ARID1B: variants seen among roughly 807,000 people sequenced by gnomAD.
ARID1B encodes the protein AT-rich interaction domain 1B, also known as AT-rich interactive domain-containing protein 1B.
Under a neutral mutation model 212.3 loss-of-function variants are expected in ARID1B, and 30 were observed. The observed-to-expected ratio is 0.14, with a 90% CI of 0.11 to 0.19. ARID1B has a LOEUF of 0.19. Among genes scored for constraint, ARID1B ranks in the 10% least tolerant of loss-of-function variants. The pLI is 1.00. For synonymous variants in ARID1B, 1,402 were observed against 1,301.7 expected, an observed-to-expected ratio of 1.08 and a Z score of -1.66; for missense variants, 2,891 against 3,204.0, an observed-to-expected ratio of 0.90 and a Z score of 2.36.
At chr6:156,889,410 A>G (rs764722213) in intron 2 of ARID1B, among the ~76,000 whole-genome samples, 1 of 152,256 alleles carries the variant, frequency 6.6e-6, no homozygotes, top group Non-Finnish European at 1.5e-5. Context: ...GCATAAAACT[A>G]CAATTATACA....
intron 2 of ARID1B, among the ~76,000 whole-genome samples, chr6:156,895,398 C>T (rs1455533922): frequency 2.6e-5 from 4 of 152,182 alleles, no homozygotes; most frequent in African/African-American, 9.7e-5. Context: ...GAGGGACAGT[C>T]GCTCAGACAC....
chr6:156,993,445 G>A (rs1390246190), intron 4 of ARID1B, among the ~76,000 whole-genome samples: 2 of 152,196 alleles, frequency 1.3e-5, no homozygotes, highest in African/African-American at 4.8e-5. Flanking sequence ...GCTCAGTATG[G>A]TGATTCTGAC....
chr6:157,021,597 G>A (rs888229181), intron 4 of ARID1B, among the ~76,000 whole-genome samples: 11 of 152,280 alleles, frequency 7.2e-5, no homozygotes, highest in Admixed American at 2.0e-4. Context: ...GACTGAACAG[G>A]CTCGGACTCC....
rs193175253 is a variant in ARID1B, at chr6:156,954,767, A to G, written c.2247+19191A>G. 3.3e-5 allele frequency among the ~76,000 whole-genome samples: 5 copies of G among 152,272 alleles called. No individual in the cohort carries two copies. The East Asian group carries it at 9.7e-4, about 29-fold the overall frequency. On this transcript the variant is annotated intron_variant, in intron 4 of 19. Coordinates refer to ENST00000636930, the MANE Select transcript of ARID1B (RefSeq NM_001374828.1). ...GACGGCTGTTCACGTATTTGAAGAT[A>G]GTTTTCATTTACTAGGATTTCTTCT...
At chr6:156,914,382 A>G (rs1790178334) in intron 3 of ARID1B, among the ~76,000 whole-genome samples, 1 of 152,182 alleles carries the variant, frequency 6.6e-6, no homozygotes, top group Non-Finnish European at 1.5e-5. Context: ...TTAGGATTCC[A>G]TGCAGCTGAC....
At chr6:156,983,293 G>A (rs1190500128) in intron 4 of ARID1B, among the ~76,000 whole-genome samples, 3 of 152,014 alleles carry the variant, frequency 2.0e-5, no homozygotes, top group Non-Finnish European at 4.4e-5. Flanking sequence ...TACTCGAGAG[G>A]CTGAGACAGG....
At chr6:156,930,075 C>T (rs1157695155) in intron 3 of ARID1B, among the ~76,000 whole-genome samples, 1 of 152,090 alleles carries the variant, frequency 6.6e-6, no homozygotes, top group Non-Finnish European at 1.5e-5. Context: ...GAACAATTTG[C>T]CAGTATATAT....
intron 2 of ARID1B, among the ~76,000 whole-genome samples, chr6:156,851,440 TC>T (rs1784574414): frequency 6.6e-6 from 1 of 152,212 alleles, no homozygotes; most frequent in Non-Finnish European, 1.5e-5. Context: ...GGAAGGGATT[TC>T]CCCCCACTTT....
At chr6:156,974,765 AG>A (rs1007204428) in intron 4 of ARID1B, among the ~76,000 whole-genome samples, 5 of 152,240 alleles carry the variant, frequency 3.3e-5, no homozygotes, top group Admixed American at 2.6e-4. Context: ...TTCACTTATC[AG>A]AACTTACTTT....
chr6:157,058,890 T>G (rs141095940), intron 4 of ARID1B, among the ~76,000 whole-genome samples: 116 of 152,252 alleles, frequency 7.6e-4, no homozygotes, highest in African/African-American at 2.7e-3. Flanking sequence ...GAAGGAGATT[T>G]GACTTAGCTC....
At chr6:157,125,561 C>T (rs1048474887) in intron 6 of ARID1B, among the ~76,000 whole-genome samples, 11 of 152,270 alleles carry the variant, frequency 7.2e-5, no homozygotes, top group African/African-American at 1.4e-4. Context: ...CCAGATTTGC[C>T]CGGGTCTTTC....
At chr6:157,105,042 C>T (rs1171586526) in intron 5 of ARID1B, among the ~76,000 whole-genome samples, 13 of 152,174 alleles carry the variant, frequency 8.5e-5, no homozygotes, top group Non-Finnish European at 1.8e-4. Flanking sequence ...AGACCAAATA[C>T]ATGTGAACAT....
chr6:156,879,532 G>A (rs1786869705), intron 2 of ARID1B, among the ~76,000 whole-genome samples: 2 of 152,222 alleles, frequency 1.3e-5, no homozygotes, highest in Admixed American at 6.5e-5. Context: ...TGCTGTAGAA[G>A]CCAGATAGAT....
intron 9 of ARID1B, chr6:157,170,166 AG>A (rs1194991275): frequency 6.6e-6 from 1 of 152,218 alleles, no homozygotes; most frequent in African/African-American, 2.4e-5. Flanking sequence ...CATGCATGCA[AG>A]CTCAAGTTTG....
At chr6:156,968,811 A>G (rs1776713225) in intron 4 of ARID1B, among the ~76,000 whole-genome samples, 1 of 152,256 alleles carries the variant, frequency 6.6e-6, no homozygotes, top group African/African-American at 2.4e-5. Flanking sequence ...GGTCATTGTC[A>G]GGATCACCAG....
chr6:156,860,481 A>G (rs748434450), intron 2 of ARID1B, among the ~76,000 whole-genome samples: 7 of 152,212 alleles, frequency 4.6e-5, no homozygotes, highest in Non-Finnish European at 7.3e-5. Context: ...GAAGACCATT[A>G]AATCGTGGGA....
intron 1 of ARID1B, among the ~76,000 whole-genome samples, chr6:156,803,857 T>C (rs1054329838): frequency 2.0e-5 from 3 of 152,172 alleles, no homozygotes; most frequent in Admixed American, 2.0e-4. Flanking sequence ...CTTGTTTTCC[T>C]CATCTGCAAA....
At chr6:157,167,598 T>G (rs1791425617) in intron 9 of ARID1B, 1 of 160,282 alleles carries the variant, frequency 6.2e-6, no homozygotes, top group South Asian at 1.8e-4. Flanking sequence ...TTTGAAGTAC[T>G]TTTTACATTT....
At chr6:157,107,846 CAT>C (rs1435017316) in intron 5 of ARID1B, 2 of 152,118 alleles carry the variant, frequency 1.3e-5, no homozygotes, top group African/African-American at 4.8e-5. Context: ...GTGACCAACA[CAT>C]GTCATATAAA....
Sources: allele counts gnomAD v4.1 joint callset (sites outside exome capture counted in the v4.1 genomes callset), GRCh38; gene constraint gnomAD v4.1.1; transcripts MANE v1.5; gene names NCBI Gene and HGNC (gene_info 2026-07-23, HGNC 2026-07-21).